Variants in SND1 observed in about 807,000 individuals in gnomAD.
SND1 encodes staphylococcal nuclease domain-containing protein 1.
Under a neutral mutation model 121.7 loss-of-function variants are expected in SND1, and 38 were observed. That is an observed-to-expected ratio of 0.31 (90% CI 0.24 to 0.41). The LOEUF (loss-of-function observed/expected upper bound fraction) is 0.41. Among genes scored for constraint, SND1 ranks in the 10% least tolerant of loss-of-function variants. The pLI is 1.00. For missense variants in SND1, 868 were observed against 1,184.6 expected, an observed-to-expected ratio of 0.73 and a Z score of 3.92; for synonymous variants, 401 against 447.4, an observed-to-expected ratio of 0.90 and a Z score of 1.31.
chr7:127,666,253 G>A (rs1460335334), intron 1 of SND1, among the ~76,000 whole-genome samples: 1 of 152,202 alleles, frequency 6.6e-6, no homozygotes, highest in East Asian at 1.9e-4. Context: ...CAAGTAAGGC[G>A]ATGTGGGGCT....
intron 12 of SND1, among the ~76,000 whole-genome samples, chr7:127,847,933 T>G (rs2116654622): frequency 6.6e-6 from 1 of 152,314 alleles, no homozygotes; most frequent in Admixed American, 6.5e-5. Flanking sequence ...TAGGTTTAAC[T>G]GGAGGACTTT....
At chr7:127,910,704 G>A (rs1800435579) in intron 14 of SND1, among the ~76,000 whole-genome samples, 1 of 152,054 alleles carries the variant, frequency 6.6e-6, no homozygotes, top group Non-Finnish European at 1.5e-5. Flanking sequence ...TTTGTTTTTT[G>A]TTGTTTTAAA....
At chr7:127,745,123 C>T (rs1016461941) in intron 10 of SND1, among the ~76,000 whole-genome samples, 3 of 152,088 alleles carry the variant, frequency 2.0e-5, no homozygotes, top group Non-Finnish European at 4.4e-5. Flanking sequence ...GATGGGGATA[C>T]GTTCTTGAGA....
At chr7:127,670,074 T>C (rs943539365) in intron 1 of SND1, among the ~76,000 whole-genome samples, 1 of 151,812 alleles carries the variant, frequency 6.6e-6, no homozygotes, top group African/African-American at 2.4e-5. Flanking sequence ...TACTGCAACC[T>C]CTGCGTCCTG....
At chr7:127,973,972 A>G (rs1458705641) in intron 15 of SND1, among the ~76,000 whole-genome samples, 1 of 152,220 alleles carries the variant, frequency 6.6e-6, no homozygotes, top group African/African-American at 2.4e-5. Context: ...GTCAGGGGAC[A>G]GGGAGGTTGA....
chr7:127,671,053 A>T (rs1795507010), intron 1 of SND1, among the ~76,000 whole-genome samples: 1 of 152,220 alleles, frequency 6.6e-6, no homozygotes, highest in African/African-American at 2.4e-5. Flanking sequence ...ACATAATAAT[A>T]GTTTGATATT....
At chr7:127,946,993 A>AT (rs1563066933) in intron 15 of SND1, among the ~76,000 whole-genome samples, 1 of 152,072 alleles carries the variant, frequency 6.6e-6, no homozygotes. Flanking sequence ...TATAGAAAAT[A>AT]TTTTTTCTAG....
intron 15 of SND1, among the ~76,000 whole-genome samples, chr7:127,978,528 G>T (rs1196236193): frequency 6.6e-6 from 1 of 152,048 alleles, no homozygotes; most frequent in Non-Finnish European, 1.5e-5. Context: ...GAATAAAATA[G>T]AATGATCAGA....
intron 16 of SND1, among the ~76,000 whole-genome samples, chr7:127,992,793 G>C (rs1802550712): frequency 6.6e-6 from 1 of 152,166 alleles, no homozygotes; most frequent in Non-Finnish European, 1.5e-5. Context: ...AGAGAATACT[G>C]ATCACTAAAA....
intron 10 of SND1, among the ~76,000 whole-genome samples, chr7:127,752,251 C>G (rs1038125832): frequency 1.3e-5 from 2 of 151,522 alleles, no homozygotes; most frequent in Non-Finnish European, 2.9e-5. Context: ...CTTGTGGTTT[C>G]AAAAAGTGAG....
chr7:127,662,441 A>G (rs1215539588), intron 1 of SND1, among the ~76,000 whole-genome samples: 1 of 152,114 alleles, frequency 6.6e-6, no homozygotes, highest in African/African-American at 2.4e-5. Flanking sequence ...TCATAATTCT[A>G]AGCACTATTG....
rs148569390 is a variant in SND1, at chr7:127,796,031, A to G, written c.1153-11453A>G. 5.1e-3 allele frequency among the ~76,000 whole-genome samples: 778 copies of G among 151,660 alleles called. 3 individuals carry two copies. Among genetic ancestry groups the G allele is most frequent in the Middle Eastern group, 0.017 (5 of 294 alleles). ...CATCACCACTACCAGCTAATTTTTT[A>G]TATTTTTAGTGGAGACGGGGTTTCA... On this transcript the variant is annotated intron_variant, in intron 10 of 23. Coordinates refer to ENST00000354725, the MANE Select transcript of SND1 (RefSeq NM_014390.4).
chr7:128,070,785 C>T (rs565737561), intron 16 of SND1, among the ~76,000 whole-genome samples: 1 of 152,220 alleles, frequency 6.6e-6, no homozygotes, highest in African/African-American at 2.4e-5. Context: ...AGTATACAGT[C>T]GATCTTCATT....
At chr7:127,964,023 C>T (rs1392668574) in intron 15 of SND1, among the ~76,000 whole-genome samples, 2 of 152,074 alleles carry the variant, frequency 1.3e-5, no homozygotes, top group African/African-American at 4.8e-5. Context: ...AGCATTTTTC[C>T]ATGTGTGTTT....
At chr7:128,002,728 C>A (rs943673465) in intron 16 of SND1, among the ~76,000 whole-genome samples, 1 of 152,150 alleles carries the variant, frequency 6.6e-6, no homozygotes, top group Non-Finnish European at 1.5e-5. Context: ...ATGAGGGATA[C>A]GGGTATGAAC....
chr7:127,703,728 A>G lies in SND1; in HGVS notation c.840+405A>G, dbSNP rs73234883. On this transcript the variant is annotated intron_variant, in intron 7 of 23. Transcript: ENST00000354725. ...CTCTGTCTCAAAAAAAAATTATGGC[A>G]GGATTATTATTAATATCTGCTGATT... Among the ~76,000 whole-genome samples, 1,128 of 152,294 alleles carry G rather than the reference A, an allele frequency of 7.4e-3. 9 individuals carry two copies. The highest frequency in any genetic ancestry group is 0.025 in the South Asian group (120 of 4,830).
chr7:127,713,347 T>TAG (rs1796329474), intron 9 of SND1, among the ~76,000 whole-genome samples: 1 of 152,280 alleles, frequency 6.6e-6, no homozygotes, highest in Admixed American at 6.5e-5. Flanking sequence ...TTACTTTTCA[T>TAG]AACCTGGAAC....
intron 1 of SND1, among the ~76,000 whole-genome samples, chr7:127,682,279 G>C (rs1171229881): frequency 6.6e-6 from 1 of 152,160 alleles, no homozygotes; most frequent in Non-Finnish European, 1.5e-5. Flanking sequence ...TGAACAATTT[G>C]AGTCCCCAAT....
At chr7:127,894,984 T>A (rs1226292667) in intron 13 of SND1, among the ~76,000 whole-genome samples, 1 of 152,020 alleles carries the variant, frequency 6.6e-6, no homozygotes, top group African/African-American at 2.4e-5. Context: ...TTTCTTCTCT[T>A]TTCTTACCTG....
Sources: gnomAD v4.1 joint callset for allele counts (sites outside exome capture counted in the v4.1 genomes callset) on GRCh38, gnomAD v4.1.1 for gene constraint, MANE v1.5 for transcripts, NCBI Gene and HGNC (gene_info 2026-07-23, HGNC 2026-07-21) for gene names.